Variants in ERMP1 observed in about 807,000 individuals in gnomAD.
The protein encoded by ERMP1 is Felix-ina.
ERMP1 carries 86 observed loss-of-function variants against 92.0 expected under a neutral mutation model. That is an observed-to-expected ratio of 0.93 (90% CI 0.79 to 1.12). The LOEUF (loss-of-function observed/expected upper bound fraction) is 1.12. ERMP1 is among the 50% of genes most tolerant of loss of function. ERMP1 has a pLI of 0.00. For missense variants in ERMP1, 1,342 were observed against 1,116.3 expected, an observed-to-expected ratio of 1.20 and a Z score of -2.88; for synonymous variants, 530 against 412.8, an observed-to-expected ratio of 1.28 and a Z score of -3.44.
intron 4 of ERMP1, among the ~76,000 whole-genome samples, chr9:5,814,041 T>C (rs1829210723): frequency 1.3e-5 from 2 of 152,120 alleles, no homozygotes; most frequent in South Asian, 4.1e-4. Flanking sequence ...ACTGCAGGCG[T>C]GGCTACATGA....
intron 6 of ERMP1, among the ~76,000 whole-genome samples, chr9:5,841,216 G>C (rs1279205055): frequency 6.6e-6 from 1 of 152,152 alleles, no homozygotes; most frequent in African/African-American, 2.4e-5. Flanking sequence ...ACCAAGAATA[G>C]GTTCTCTATT....
At chr9:5,860,662 T>C (rs1461558673) in intron 5 of ERMP1, among the ~76,000 whole-genome samples, 1 of 150,528 alleles carries the variant, frequency 6.6e-6, no homozygotes, top group African/African-American at 2.4e-5. Context: ...TTGCCCAGGC[T>C]GGCCTCGAAC....
chr9:5,801,195 G>C lies in ERMP1; in HGVS notation c.2048C>G (p.Pro683Arg), dbSNP rs769339810. ...PYSSNPANPK[P>R]KRVFLQHMTR... ...GCTCACCTGAAGAAACACTCTCTTTGGCTTCGGATTAGCAGGATTGGAGCT... is the reference window on the plus strand; with the variant it reads ...GCTCACCTGAAGAAACACTCTCTTTCGCTTCGGATTAGCAGGATTGGAGCT... The change falls in exon 11 of 15, where the codon CCA becomes CGA. Residue 683 changes from proline to arginine, a missense_variant. Coordinates refer to ENST00000339450, the MANE Select transcript of ERMP1 (RefSeq NM_024896.3). 1.9e-6 allele frequency: 3 copies of C among 1,612,228 alleles called. No homozygotes were observed. The highest frequency in any genetic ancestry group is 2.5e-6 in the Non-Finnish European group (3 of 1,179,342).
chr9:5,824,025 A>G, intron 3 of ERMP1, 24 bp from the exon 4 acceptor site: 1 of 1,555,510 alleles, frequency 6.4e-7, no homozygotes, highest in Non-Finnish European at 8.8e-7. Context: ...AAAGAAAACA[A>G]ATATTTGTTA....
chr9:5,833,444 C>T (rs1253607668), upstream of ERMP1, among the ~76,000 whole-genome samples: 6 of 152,118 alleles, frequency 3.9e-5, no homozygotes, highest in Admixed American at 2.0e-4. Context: ...CATCAGGCTC[C>T]AAAAAAGTGG....
In ERMP1 at chr9:5,830,901, T is replaced by C. The variant is rs1416522687; in HGVS notation, c.466A>G (p.Lys156Glu). ...LIEVQSNSLH[K>E]ISVDVQRPTG... is the part of the protein sequence containing the mutation. ...GGCCGTTGTACATCTACTGAAATCTTATGAAGGCTGTTGCTTTGCACTTCA... is the reference window on the plus strand; with the variant it reads ...GGCCGTTGTACATCTACTGAAATCTCATGAAGGCTGTTGCTTTGCACTTCA... The change falls in exon 2 of 15, where the codon AAG becomes GAG. Residue 156 changes from lysine to glutamate, a missense_variant. Physicochemically the swap from Lys to Glu is moderately conservative, Grantham distance 56. Transcript: ENST00000339450. 2 of 1,614,180 alleles carry C rather than the reference T, an allele frequency of 1.2e-6. No individual in the cohort carries two copies. Among genetic ancestry groups the C allele is most frequent in the Admixed American group, 3.3e-5 (2 of 60,034 alleles).
chr9:5,802,977 G>C (rs1374457162), intron 10 of ERMP1, among the ~76,000 whole-genome samples: 1 of 151,990 alleles, frequency 6.6e-6, no homozygotes, highest in Non-Finnish European at 1.5e-5. Flanking sequence ...TGGTTGCAGG[G>C]AGCCGAGATT....
At position 5,805,094 on chromosome 9, in the gene ERMP1, T is replaced by G. The variant is rs140187945; in HGVS notation, c.1847A>C (p.Glu616Ala). 2 of 1,613,622 alleles carry G rather than the reference T, an allele frequency of 1.2e-6. No homozygotes were observed. The highest frequency in any genetic ancestry group is 2.7e-5 in the African/African-American group (2 of 74,802). ...TGCCAGCACAACATCAGGTGGGATTTCAGAACCACTTCTCCCGAGGATAGG... is the reference window on the plus strand; with the variant it reads ...TGCCAGCACAACATCAGGTGGGATTGCAGAACCACTTCTCCCGAGGATAGG... ...FTPILGRSGS[E>A]IPPDVVLASI... The change falls in exon 10 of 15, where the codon GAA becomes GCA. Residue 616 changes from glutamate to alanine, a missense_variant. Glu to Ala is a moderately radical substitution (Grantham distance 107, BLOSUM62 -1). Transcript: ENST00000339450.
chr9:5,848,965 A>G (rs1337722526), intron 6 of ERMP1, among the ~76,000 whole-genome samples: 1 of 152,160 alleles, frequency 6.6e-6, no homozygotes. Context: ...CAAGTGGAGA[A>G]GCCACTTTGT....
chr9:5,817,958 G>C (rs899541322), intron 4 of ERMP1, among the ~76,000 whole-genome samples: 2 of 152,146 alleles, frequency 1.3e-5, no homozygotes, highest in Non-Finnish European at 2.9e-5. Flanking sequence ...TTGCCAATGT[G>C]ACCTTTACAA....
chr9:5,821,820 C>G (rs1314117820), intron 4 of ERMP1, among the ~76,000 whole-genome samples: 1 of 152,186 alleles, frequency 6.6e-6, no homozygotes, highest in Non-Finnish European at 1.5e-5. Flanking sequence ...CAGACACACT[C>G]CTGCTTACAT....
intron 10 of ERMP1, among the ~76,000 whole-genome samples, chr9:5,802,997 C>T (rs1828730173): frequency 6.6e-6 from 1 of 152,058 alleles, no homozygotes; most frequent in Admixed American, 6.6e-5. Flanking sequence ...TACACCACTG[C>T]ACTCCAGCCT....
At chr9:5,789,028 T>C (rs976577259) in intron 13 of ERMP1, among the ~76,000 whole-genome samples, 2 of 151,972 alleles carry the variant, frequency 1.3e-5, no homozygotes, top group Non-Finnish European at 2.9e-5. Context: ...GTGGTAAAAA[T>C]GGAAGGCAGG....
intron 6 of ERMP1, among the ~76,000 whole-genome samples, chr9:5,849,277 TC>T: frequency 6.6e-6 from 1 of 152,220 alleles, no homozygotes; most frequent in Non-Finnish European, 1.5e-5. Flanking sequence ...CAACTTGGCC[TC>T]CCAAAATGCT....
At chr9:5,848,150 T>C (rs927279274) in intron 6 of ERMP1, among the ~76,000 whole-genome samples, 3 of 152,174 alleles carry the variant, frequency 2.0e-5, no homozygotes, top group Non-Finnish European at 2.9e-5. Context: ...TTTGAACGTA[T>C]TCCTTTACTT....
rs1439715645 is a variant in ERMP1, at chr9:5,830,761, A to T, written c.606T>A (p.Ala202=). The T allele has an allele frequency of 1.9e-6, 3 of 1,613,934 alleles. No homozygotes were observed. The South Asian group carries it at 3.3e-5, about 18-fold the overall frequency. Residue 202 remains alanine (A), a synonymous_variant, in exon 2 of 15, where the codon GCT becomes GCA. Coordinates refer to ENST00000339450, the MANE Select transcript of ERMP1 (RefSeq NM_024896.3). Reference sequence around the variant, plus strand: ...TTGCTACTGAGTCAAAATGACAATTAGCCAAGACAGCATGCTGGGCTCCAT... The same window carrying T: ...TTGCTACTGAGTCAAAATGACAATTTGCCAAGACAGCATGCTGGGCTCCAT... The part of the protein sequence containing the change: ...PRDGAQHAVL[A]NCHFDSVANS...
chr9:5,809,241 C>T (rs1290287827), intron 8 of ERMP1, among the ~76,000 whole-genome samples: 2 of 151,582 alleles, frequency 1.3e-5, no homozygotes, highest in East Asian at 2.0e-4. Flanking sequence ...AGGATGGTCT[C>T]GATCTCCTGA....
At chr9:5,809,812 T>C (rs922085069) in intron 8 of ERMP1, among the ~76,000 whole-genome samples, 199 bp downstream of exon 8, 1 of 152,220 alleles carries the variant, frequency 6.6e-6, no homozygotes, top group African/African-American at 2.4e-5. Context: ...CCCGGCTTTA[T>C]AACCTCATTT....
In ERMP1 at chr9:5,801,303, C is replaced by G; in HGVS notation, c.1940G>C (p.Ser647Thr). Residue 647 changes from serine (S) to threonine (T), a missense_variant, in exon 11 of 15, where the codon AGC (serine) becomes ACC (threonine). Coordinates refer to ENST00000339450, the MANE Select transcript of ERMP1 (RefSeq NM_024896.3). ...YFINFIYLAK[S>T]TKKTMLTLTL... ...TAAAGTTAGCATGGTTTTTTTTGTG[C>G]TCTTGGCAAGGTAGATGAAGTTAAT... The G allele has an allele frequency of 6.2e-7, 1 of 1,612,348 alleles. No individual in the cohort carries two copies. The highest frequency in any genetic ancestry group is 1.1e-5 in the South Asian group (1 of 90,696).
Sources: gnomAD v4.1 joint callset for allele counts (sites outside exome capture counted in the v4.1 genomes callset) on GRCh38, gnomAD v4.1.1 for gene constraint, MANE v1.5 for transcripts, NCBI Gene and HGNC (gene_info 2026-07-23, HGNC 2026-07-21) for gene names.